Variants in GPR173 observed in about 807,000 individuals in gnomAD.
The protein encoded by GPR173 is probable G protein-coupled receptor 173.
GPR173 carries 2 observed loss-of-function variants against 13.9 expected under a neutral mutation model. The observed-to-expected ratio is 0.14, with a 90% CI of 0.06 to 0.45. The LOEUF (loss-of-function observed/expected upper bound fraction) is 0.45. GPR173 is among the 20% of genes least tolerant of loss of function. GPR173 has a pLI of 0.98. For missense variants in GPR173, 202 were observed against 340.5 expected (o/e 0.59, Z 3.20); for synonymous variants, 131 against 141.0 (o/e 0.93, Z 0.50).
intron 1 of GPR173, among the ~76,000 whole-genome samples, chrX:53,052,570 CAT>C (rs1429719640): frequency 9.4e-6 from 1 of 106,786 alleles, no homozygotes; most frequent in Non-Finnish European, 1.9e-5. Flanking sequence ...TGTCCATACA[CAT>C]ATGTCCACAC....
At chrX:53,072,878 C>G (rs1932281952) in intron 1 of GPR173, among the ~76,000 whole-genome samples, 1 of 111,529 alleles carries the variant, frequency 9.0e-6, no homozygotes, top group African/African-American at 3.3e-5. Flanking sequence ...CTAGCACTTT[C>G]TAAGTACTAG....
chrX:53,062,569 C>G (rs2146677032), intron 1 of GPR173, among the ~76,000 whole-genome samples: 2 of 74,651 alleles, frequency 2.7e-5, no homozygotes, highest in South Asian at 7.0e-4. Context: ...ACATTGTCTT[C>G]TTCTTTTTTT....
intron 1 of GPR173, among the ~76,000 whole-genome samples, chrX:53,067,986 G>A (rs1175794051): frequency 8.9e-6 from 1 of 112,094 alleles, no homozygotes; most frequent in Non-Finnish European, 1.9e-5. Context: ...TTAATTTTTA[G>A]TATCAAATAC....
chrX:53,059,009 G>A, intron 1 of GPR173, among the ~76,000 whole-genome samples: 1 of 109,042 alleles, frequency 9.2e-6, no homozygotes, highest in South Asian at 4.0e-4. Flanking sequence ...CAGCACTTTG[G>A]GAGGCCGAGG....
rs909847752 is a variant in GPR173, at chrX:53,048,883, C to G, written c.-699C>G. Among the ~76,000 whole-genome samples, 51 of 111,132 alleles carry G rather than the reference C, an allele frequency of 4.6e-4. No homozygotes were observed. Among genetic ancestry groups the G allele is most frequent in the Non-Finnish European group, 7.0e-4 (37 of 52,669 alleles). ...ACCTCTTCCCCATCCCCGCCAGGCCCGGGGAGCGGGGTGAGCCTGGATGAG... is the reference window on the plus strand; with the variant it reads ...ACCTCTTCCCCATCCCCGCCAGGCCGGGGGAGCGGGGTGAGCCTGGATGAG... On this transcript the variant is annotated 5_prime_UTR_variant, in exon 1 of 2. Transcript: ENST00000332582.
intron 1 of GPR173, among the ~76,000 whole-genome samples, chrX:53,074,311 C>T (rs367738954): frequency 0.034 from 210 of 6,151 alleles, 7 homozygotes; most frequent in African/African-American, 0.14. Context: ...AATATACATT[C>T]ATATATATTT....
At chrX:53,070,969 CTT>C (rs1210687869) in intron 1 of GPR173, 67 of 94,896 alleles carry the variant, frequency 7.1e-4, no homozygotes, top group Non-Finnish European at 1.0e-3. Context: ...CTCCCAATGT[CTT>C]TTTTTTTTTT....
intron 1 of GPR173, among the ~76,000 whole-genome samples, chrX:53,055,673 C>T (rs1932022855): frequency 9.2e-6 from 1 of 108,578 alleles, no homozygotes; most frequent in Non-Finnish European, 1.9e-5. Context: ...CAGAGGTGCA[C>T]TGGATGGCAT....
At chrX:53,059,696 G>A (rs1458384528) in intron 1 of GPR173, among the ~76,000 whole-genome samples, 2 of 108,143 alleles carry the variant, frequency 1.8e-5, no homozygotes, top group Non-Finnish European at 3.8e-5. Flanking sequence ...GGAGGCTGAG[G>A]TGGGAGGATC....
At chrX:53,058,424 CGTGTGTGTGT>C (rs112505843) in intron 1 of GPR173, among the ~76,000 whole-genome samples, 14,225 of 100,619 alleles carry the variant, frequency 0.14, 800 homozygotes, top group South Asian at 0.22. Context: ...TCCAGGTGCA[CGTGTGTGTGT>C]GTGTGTGTGT....
At position 53,077,787 on chromosome X, in the gene GPR173, C is replaced by T. The variant is rs1556806097; in HGVS notation, c.*44C>T. ...CAGGCAGAGAGAAGGTCATGGCCAC[C>T]GTGATGGGGCCAACAGCAAGGGAGG... On this transcript the variant is annotated 3_prime_UTR_variant, in exon 2 of 2. Transcript: ENST00000332582. 32 of 1,054,397 alleles carry T rather than the reference C, an allele frequency of 3.0e-5. No homozygotes were observed. Among genetic ancestry groups the T allele is most frequent in the Non-Finnish European group, 3.9e-5 (30 of 763,966 alleles). The allele number at this position is 1,054,397 out of a possible 1,213,427, so 86.9% of individuals were successfully genotyped here. A position where few individuals can be genotyped will look rare whatever the true frequency, so the allele number is the denominator to read the frequency against.
At chrX:53,060,277 A>AG (rs1176391166) in intron 1 of GPR173, among the ~76,000 whole-genome samples, 2 of 109,464 alleles carry the variant, frequency 1.8e-5, no homozygotes, top group African/African-American at 6.6e-5. Context: ...AACCAAAAAA[A>AG]AATTTAATTA....
At chrX:53,075,599 C>A (rs1177631082) in intron 1 of GPR173, among the ~76,000 whole-genome samples, 1 of 108,750 alleles carries the variant, frequency 9.2e-6, no homozygotes, top group Admixed American at 1.0e-4. Context: ...TGTTTATATT[C>A]ACACATACTT....
chrX:53,074,691 A>G lies in GPR173; in HGVS notation c.-97-1834A>G, dbSNP rs1421187745. Among the ~76,000 whole-genome samples, 7 of 87,756 alleles carry G rather than the reference A, an allele frequency of 8.0e-5. No homozygotes were observed. The East Asian group carries it at 2.4e-3, about 30-fold the overall frequency. 76.2% of individuals were successfully genotyped at this position (87,756 alleles called of 115,157 possible). On this transcript the variant is annotated intron_variant, in intron 1 of 1. Transcript: ENST00000332582. ...ATATATTTATTTATAAATATTATAA[A>G]TAAATATATAAATATATATTTATAT...
chrX:53,056,802 C>T (rs1174779775), intron 1 of GPR173, among the ~76,000 whole-genome samples: 1 of 111,174 alleles, frequency 9.0e-6, no homozygotes, highest in African/African-American at 3.3e-5. Context: ...TAAATGTGAA[C>T]GTGTCCATGT....
chrX:53,068,889 G>C (rs193088553), intron 1 of GPR173, among the ~76,000 whole-genome samples: 47 of 107,290 alleles, frequency 4.4e-4, no homozygotes, highest in Non-Finnish European at 7.5e-4. Context: ...GGAGTTTGAG[G>C]CTGCAGTGAG....
At chrX:53,059,349 G>A (rs1556803517) in intron 1 of GPR173, among the ~76,000 whole-genome samples, 1 of 108,551 alleles carries the variant, frequency 9.2e-6, no homozygotes, top group Admixed American at 9.8e-5. Flanking sequence ...CTGGAGTGCA[G>A]TGGCCCGGTC....
chrX:53,060,205 A>G (rs1268761629), intron 1 of GPR173, among the ~76,000 whole-genome samples: 2 of 109,158 alleles, frequency 1.8e-5, no homozygotes, highest in East Asian at 2.9e-4. Context: ...GCTGGAGTGC[A>G]GCGGCACCAT....
At chrX:53,075,450 A>G (rs1470942318) in intron 1 of GPR173, among the ~76,000 whole-genome samples, 1 of 103,260 alleles carries the variant, frequency 9.7e-6, no homozygotes, top group Non-Finnish European at 2.0e-5. Flanking sequence ...GTTATCTAGA[A>G]TGTCGGTTCC....
Sources: allele counts gnomAD v4.1 joint callset (sites outside exome capture counted in the v4.1 genomes callset), GRCh38; gene constraint gnomAD v4.1.1; transcripts MANE v1.5; gene names NCBI Gene and HGNC (gene_info 2026-07-23, HGNC 2026-07-21).